PPP2R1A: variants seen among roughly 807,000 people sequenced by gnomAD.
The protein encoded by PPP2R1A is serine/threonine-protein phosphatase 2A 65 kDa regulatory subunit A alpha isoform.
Under a neutral mutation model 67.1 loss-of-function variants are expected in PPP2R1A, and 15 were observed. That is an observed-to-expected ratio of 0.22 (90% confidence interval 0.15 to 0.34). The LOEUF (loss-of-function observed/expected upper bound fraction) is 0.34. Among genes scored for constraint, PPP2R1A ranks in the 10% least tolerant of loss-of-function variants. The pLI, the probability that PPP2R1A is intolerant of heterozygous loss-of-function variation, is 1.00. For missense variants in PPP2R1A, 369 were observed against 775.0 expected (o/e 0.48, Z 6.22); for synonymous variants, 337 against 325.0 (o/e 1.04, Z -0.40).
Position 52,228,675 on chromosome 19 carries a change from C to A in PPP2R1A, c.*2694C>A, listed in dbSNP as rs936490922. On this transcript the variant is annotated 3_prime_UTR_variant, in exon 15 of 15. Coordinates refer to ENST00000322088, the MANE Select transcript of PPP2R1A (RefSeq NM_014225.6). ...GACCCTGGCCTGTTTCTCCCGCTCT[C>A]TAGGCCTAAATCCCAGCAGTCACAC... The A allele has an allele frequency of 1.3e-5, 2 of 152,260 alleles. No homozygotes were observed. Among genetic ancestry groups the A allele is most frequent in the Non-Finnish European group, 2.9e-5 (2 of 68,100 alleles). The allele number at this position is 152,260 out of a possible 1,614,324, so 9.4% of individuals were successfully genotyped here. A position where few individuals can be genotyped will look rare whatever the true frequency, so the allele number is the denominator to read the frequency against.
At chr19:52,192,968 T>C (rs2089468119) in intron 1 of PPP2R1A, among the ~76,000 whole-genome samples, 1 of 152,198 alleles carries the variant, frequency 6.6e-6, no homozygotes. Context: ...GCTTCAAATA[T>C]TTGCTGTCTA....
At position 52,216,069 on chromosome 19, in the gene PPP2R1A, A is replaced by G; in HGVS notation, c.988A>G (p.Ile330Val). The G allele has an allele frequency of 6.2e-7, 1 of 1,613,200 alleles. No individual in the cohort carries two copies. Among genetic ancestry groups the G allele is most frequent in the Non-Finnish European group, 8.5e-7 (1 of 1,179,152 alleles). Residue 330 changes from isoleucine to valine, a missense_variant, in exon 8 of 15, where the codon ATC becomes GTC. By Grantham distance (29) the Ile-to-Val change is conservative. Coordinates refer to ENST00000322088, the MANE Select transcript of PPP2R1A (RefSeq NM_014225.6). The surrounding 1 kb of genome is among the most constrained non-coding windows in gnomAD (Gnocchi z 4.3). ...GATCATGTCCCAGATCTTGCCCTGC[A>G]TCAAGGTAACAGAGAGTTTGATGGG... Reference protein sequence around the residue: ...NVIMSQILPCIKELVSDANQH... With the variant: ...NVIMSQILPCVKELVSDANQH...
At position 52,225,720 on chromosome 19, in the gene PPP2R1A, C is replaced by G; in HGVS notation, c.1665C>G (p.Thr555=). 2 of 1,614,086 alleles carry G rather than the reference C, an allele frequency of 1.2e-6. No homozygotes were observed. Among genetic ancestry groups the G allele is most frequent in the Non-Finnish European group, 1.7e-6 (2 of 1,179,952 alleles). ...CCTGTCTCCTTTCGCTTTCCAGCACCTTGCAGAGTGAAGTCAAGCCCATCC... is the reference window on the plus strand; with the variant it reads ...CCTGTCTCCTTTCGCTTTCCAGCACGTTGCAGAGTGAAGTCAAGCCCATCC... The part of the protein sequence containing the change: ...QKIGPILDNS[T]LQSEVKPILE... Residue 555 remains threonine, a synonymous_variant, in exon 14 of 15, where the codon ACC becomes ACG. Coordinates refer to ENST00000322088, the MANE Select transcript of PPP2R1A (RefSeq NM_014225.6).
Position 52,212,008 on chromosome 19 carries a change from C to T in PPP2R1A, c.503+516C>T, listed in dbSNP as rs530371000. On this transcript the variant is annotated intron_variant, in intron 4 of 14. Coordinates refer to ENST00000322088, the MANE Select transcript of PPP2R1A (RefSeq NM_014225.6). This position sits in a 1 kb window ranked among gnomAD's most constrained non-coding sequence, Gnocchi z 4.1. ...CTTAGATACTTACACTGGCCCCCAC[C>T]GCCTTTGATCGAAGCAATTGCTGCT... 1.4e-4 allele frequency among the ~76,000 whole-genome samples: 22 copies of T among 152,326 alleles called. No individual in the cohort carries two copies. Among genetic ancestry groups the T allele is most frequent in the African/African-American group, 3.8e-4 (16 of 41,566 alleles).
intron 3 of PPP2R1A, among the ~76,000 whole-genome samples, chr19:52,206,493 C>A (rs10423794): frequency 0.14 from 21,398 of 152,154 alleles, 1,540 homozygotes; most frequent in African/African-American, 0.15. Flanking sequence ...AGGTACTAAC[C>A]GATGTTAACT....
chr19:52,218,628 A>G (rs148870117), intron 9 of PPP2R1A, among the ~76,000 whole-genome samples: 117 of 152,242 alleles, frequency 7.7e-4, no homozygotes, highest in Non-Finnish European at 1.5e-3. Flanking sequence ...TACAATTTAT[A>G]TTTGTTTTTG....
Position 52,213,596 on chromosome 19 carries a change from C to T in PPP2R1A, c.807+486C>T, listed in dbSNP as rs1600168753. Reference sequence around the variant, plus strand: ...CTCCCGGGTGCAGGCATTTCTCCTGCCTCAGCCTCCTGAGGGACTGGGATT... The same window carrying T: ...CTCCCGGGTGCAGGCATTTCTCCTGTCTCAGCCTCCTGAGGGACTGGGATT... On this transcript the variant is annotated intron_variant, in intron 6 of 14. Coordinates refer to ENST00000322088, the MANE Select transcript of PPP2R1A (RefSeq NM_014225.6). This position sits in a 1 kb window ranked among gnomAD's most constrained non-coding sequence, Gnocchi z 4.2. 6.6e-6 allele frequency among the ~76,000 whole-genome samples: 1 copy of T among 151,024 alleles called. No individual in the cohort carries two copies. The highest frequency in any genetic ancestry group is 2.4e-5 in the African/African-American group (1 of 41,026).
In PPP2R1A at chr19:52,216,451, T is replaced by G; in HGVS notation, c.994-78T>G. ...GGGGCAGAAGCAGGTTATTGTCTCT[T>G]AGGAGTTGGCATCTGCTTAGCCACT... On this transcript the variant is annotated intron_variant, in intron 8 of 14. Coordinates refer to ENST00000322088, the MANE Select transcript of PPP2R1A (RefSeq NM_014225.6). This position sits in a 1 kb window ranked among gnomAD's most constrained non-coding sequence, Gnocchi z 4.3. 1 of 1,553,112 alleles carries G rather than the reference T, an allele frequency of 6.4e-7. No homozygotes were observed. Among genetic ancestry groups the G allele is most frequent in the South Asian group, 1.1e-5 (1 of 88,514 alleles).
At chr19:52,192,465 G>A (rs1182445387) in intron 1 of PPP2R1A, among the ~76,000 whole-genome samples, 5 of 151,848 alleles carry the variant, frequency 3.3e-5, no homozygotes, top group East Asian at 1.9e-4. Context: ...AGGCCACCAC[G>A]CCTGGCTGAT....
chr19:52,215,691 C>A, intron 6 of PPP2R1A, 88 bp from the exon 7 acceptor site: 1 of 1,071,522 alleles, frequency 9.3e-7, no homozygotes, highest in Non-Finnish European at 1.4e-6. Context: ...TCCCCTAATT[C>A]TGGTGCCTTC....
chr19:52,200,836 C>T (rs911577570), intron 1 of PPP2R1A, among the ~76,000 whole-genome samples: 2 of 152,224 alleles, frequency 1.3e-5, no homozygotes, highest in African/African-American at 4.8e-5. Flanking sequence ...CTTTCTGTCT[C>T]TTAGAAGGAC....
At chr19:52,210,305 G>C (rs1168656767) in intron 3 of PPP2R1A, among the ~76,000 whole-genome samples, 1 of 151,960 alleles carries the variant, frequency 6.6e-6, no homozygotes, top group Non-Finnish European at 1.5e-5. Flanking sequence ...AGTCATTCTA[G>C]GCCCACAGTA....
rs1979240736 is a variant in PPP2R1A, at chr19:52,226,059, G to A, written c.*78G>A. The A allele has an allele frequency of 1.2e-6, 2 of 1,607,678 alleles. No individual in the cohort carries two copies. The highest frequency in any genetic ancestry group is 1.3e-5 in the African/African-American group (1 of 74,792). On this transcript the variant is annotated 3_prime_UTR_variant, in exon 15 of 15. Coordinates refer to ENST00000322088, the MANE Select transcript of PPP2R1A (RefSeq NM_014225.6). ...AAGTCCCTCTTTGGGGAGACACTGG[G>A]GGGCCTTTGGCTGTCACTCCCTGTG... is the stretch of plus-strand genomic sequence containing the variant.
chr19:52,218,910 C>G (rs1049157433), intron 9 of PPP2R1A, among the ~76,000 whole-genome samples: 1 of 152,186 alleles, frequency 6.6e-6, no homozygotes, highest in Admixed American at 6.5e-5. Context: ...AGAAAAGAAC[C>G]AGCATGGTTT....
chr19:52,196,655 CA>C (rs1221984054), intron 1 of PPP2R1A, among the ~76,000 whole-genome samples: 1 of 152,184 alleles, frequency 6.6e-6, no homozygotes, highest in Non-Finnish European at 1.5e-5. Context: ...CTCTAAATAA[CA>C]GGGGCTTAAA....
chr19:52,220,315 G>T, intron 11 of PPP2R1A, 66 bp downstream of exon 11: 2 of 1,545,980 alleles, frequency 1.3e-6, no homozygotes, highest in African/African-American at 2.7e-5. Context: ...GGATTGGCTG[G>T]GGCTGTGGCG....
At chr19:52,224,034 CAA>C (rs1357837115) in intron 13 of PPP2R1A, among the ~76,000 whole-genome samples, 1 of 152,162 alleles carries the variant, frequency 6.6e-6, no homozygotes, top group African/African-American at 2.4e-5. Context: ...AGTGACGAAA[CAA>C]ATGCCTGCTA....
chr19:52,194,238 C>T (rs898061806), intron 1 of PPP2R1A, among the ~76,000 whole-genome samples: 8 of 151,814 alleles, frequency 5.3e-5, no homozygotes, highest in African/African-American at 1.9e-4. Flanking sequence ...ATGAACAGGT[C>T]GTGGAAGAGC....
At chr19:52,222,358 G>A (rs1036413827) in intron 13 of PPP2R1A, 117 bp downstream of exon 13, 20 of 1,409,592 alleles carry the variant, frequency 1.4e-5, no homozygotes, top group Admixed American at 2.9e-5. Flanking sequence ...TGCTTGCTGT[G>A]TGACCTTGGC....
Sources: allele counts gnomAD v4.1 joint callset (sites outside exome capture counted in the v4.1 genomes callset), GRCh38; gene constraint gnomAD v4.1.1; non-coding constraint Gnocchi (gnomAD v3.1); transcripts MANE v1.5; gene names NCBI Gene and HGNC (gene_info 2026-07-23, HGNC 2026-07-21).